Variants in LRBA observed in about 807,000 individuals in gnomAD.
LRBA encodes LPS responsive beige-like anchor protein.
A neutral mutation model predicts 330.0 loss-of-function variants in LRBA; 176 were observed. The ratio of observed to expected loss-of-function variants is 0.53; its 90% CI spans 0.47 to 0.60. The LOEUF is 0.60. Among genes scored for constraint, LRBA ranks in the 20% least tolerant of loss-of-function variants. The pLI, the probability that LRBA is intolerant of heterozygous loss-of-function variation, is 0.00. For missense variants in LRBA, 3,259 were observed against 3,444.8 expected (o/e 0.95, Z 1.35); for synonymous variants, 1,230 against 1,193.0 (o/e 1.03, Z -0.64).
intron 2 of LRBA, among the ~76,000 whole-genome samples, chr4:150,982,537 T>C (rs1740960189): frequency 6.6e-6 from 1 of 151,622 alleles, no homozygotes; most frequent in African/African-American, 2.4e-5. Flanking sequence ...AAACTCCCTG[T>C]AATGCTAGGA....
At chr4:150,564,037 TTAAAGTTCA>T (rs1768782259) in intron 40 of LRBA, among the ~76,000 whole-genome samples, 1 of 152,072 alleles carries the variant, frequency 6.6e-6, no homozygotes, top group South Asian at 2.1e-4. Context: ...AAAAAGTACT[TTAAAGTTCA>T]TATGGAACCA....
chr4:150,892,231 TA>T, intron 17 of LRBA, among the ~76,000 whole-genome samples: 1 of 152,374 alleles, frequency 6.6e-6, no homozygotes, highest in South Asian at 2.1e-4. Context: ...AACTTCCTTA[TA>T]CGTAAAATAG....
chr4:150,457,512 A>T (rs1286827769), intron 44 of LRBA, among the ~76,000 whole-genome samples: 1 of 151,996 alleles, frequency 6.6e-6, no homozygotes, highest in African/African-American at 2.4e-5. Context: ...TATCCACTGT[A>T]AAAAAGCATA....
chr4:150,744,203 A>G (rs976166530), intron 35 of LRBA, among the ~76,000 whole-genome samples: 1 of 152,234 alleles, frequency 6.6e-6, no homozygotes, highest in African/African-American at 2.4e-5. Context: ...AAGAGTACAG[A>G]TGTGAAATAC....
chr4:150,359,659 A>G (rs1738388864), intron 47 of LRBA, among the ~76,000 whole-genome samples: 1 of 152,104 alleles, frequency 6.6e-6, no homozygotes, highest in Non-Finnish European at 1.5e-5. Flanking sequence ...TGAGAATTTT[A>G]GTGGAAGTTT....
chr4:150,973,103 G>C (rs1396328332), intron 2 of LRBA, among the ~76,000 whole-genome samples: 2 of 152,106 alleles, frequency 1.3e-5, no homozygotes, highest in African/African-American at 4.8e-5. Flanking sequence ...CTGGGCAACA[G>C]AATGAGACCC....
chr4:150,581,940 AAGAGAGAGGGAG>A (rs1244571036), intron 40 of LRBA: 1 of 150,798 alleles, frequency 6.6e-6, no homozygotes, highest in Non-Finnish European at 1.5e-5. Flanking sequence ...GAGAGAAAGA[AAGAGAGAGGGAG>A]AGAGAGAGAC....
At chr4:150,582,957 C>T in intron 40 of LRBA, 2 of 1,507,710 alleles carry the variant, frequency 1.3e-6, no homozygotes, top group Non-Finnish European at 8.9e-7. Flanking sequence ...GCTGGGCCAC[C>T]ACCAGTGCGT....
chr4:150,806,684 T>C lies in LRBA; in HGVS notation c.5385-280A>G, dbSNP rs1742844826. On this transcript the variant is annotated intron_variant, in intron 32 of 56. Transcript: ENST00000651943. ...GTCTCACCTGGCCAGTTAAGAGCAG[T>C]TTGTTTTTAGGCCCATTATAATCTA... Among the ~76,000 whole-genome samples the C allele has an allele frequency of 2.6e-5, 4 of 151,998 alleles. No individual in the cohort carries two copies. In the South Asian group the frequency reaches 8.3e-4, roughly 32 times the overall value.
intron 2 of LRBA, among the ~76,000 whole-genome samples, chr4:150,975,743 TA>T (rs1740090091): frequency 6.6e-6 from 1 of 151,736 alleles, no homozygotes; most frequent in South Asian, 2.1e-4. Context: ...AATATAAAAA[TA>T]AATCAATATA....
chr4:150,562,294 C>G (rs1561356422), intron 40 of LRBA, among the ~76,000 whole-genome samples: 1 of 152,166 alleles, frequency 6.6e-6, no homozygotes, highest in Non-Finnish European at 1.5e-5. Flanking sequence ...ATTTCTCCCT[C>G]TATTTGCAAT....
At chr4:150,893,842 A>T (rs1729763204) in intron 16 of LRBA, among the ~76,000 whole-genome samples, 2 of 151,374 alleles carry the variant, frequency 1.3e-5, no homozygotes, top group Admixed American at 6.6e-5. Flanking sequence ...CGCCCGGCTA[A>T]TTTTTTGTAT....
In LRBA at chr4:150,902,841, T is replaced by G. The variant is rs181326817; in HGVS notation, c.1756-2624A>C. On this transcript the variant is annotated intron_variant, in intron 13 of 56. Coordinates refer to ENST00000651943, the MANE Select transcript of LRBA (RefSeq NM_001364905.1). ...ATCTGCAGTGGAAGTGGTGGGATTC[T>G]ATTTTTGCTTGTTTTTAAAAACCTA... is the stretch of plus-strand genomic sequence containing the variant. Among the ~76,000 whole-genome samples the G allele has an allele frequency of 4.3e-3, 652 of 152,330 alleles. 4 individuals are homozygous for G. The highest frequency in any genetic ancestry group is 0.015 in the African/African-American group (631 of 41,572).
chr4:150,925,164 TAA>T (rs10718196), intron 4 of LRBA, among the ~76,000 whole-genome samples: 345 of 143,690 alleles, frequency 2.4e-3, no homozygotes, highest in Admixed American at 2.9e-3. Flanking sequence ...ACCCTGTCTT[TAA>T]AAAAAAAAAA....
intron 40 of LRBA, among the ~76,000 whole-genome samples, chr4:150,569,038 A>G (rs1405518979): frequency 1.3e-5 from 2 of 152,170 alleles, no homozygotes; most frequent in African/African-American, 2.4e-5. Context: ...AATGGTGACA[A>G]TACCTACCTC....
rs111711193 is a variant in LRBA at position 150,445,657 on chromosome 4, G to A, written c.6781-8793C>T. 2.1e-3 allele frequency among the ~76,000 whole-genome samples: 318 copies of A among 151,858 alleles called. 7 individuals carry two copies. Among genetic ancestry groups the A allele is most frequent in the African/African-American group, 7.1e-3 (296 of 41,438 alleles). On this transcript the variant is annotated intron_variant, in intron 44 of 56. Coordinates refer to ENST00000651943, the MANE Select transcript of LRBA (RefSeq NM_001364905.1). ...TGCTTTTTGGAAAAAATATTAAATC[G>A]TTTTAAAAATGTGTTTATTTATTTA...
chr4:150,740,374 C>T (rs927431626), intron 35 of LRBA, among the ~76,000 whole-genome samples: 2 of 151,752 alleles, frequency 1.3e-5, no homozygotes, highest in African/African-American at 2.4e-5. Context: ...AAAAAATACA[C>T]TTTAGAAGAT....
intron 47 of LRBA, among the ~76,000 whole-genome samples, chr4:150,409,630 T>C (rs1442103730): frequency 6.6e-6 from 1 of 152,274 alleles, no homozygotes; most frequent in Middle Eastern, 3.4e-3. Flanking sequence ...AATGGTCCTT[T>C]GCTCTTTAAA....
chr4:150,895,694 T>C (rs945187744), intron 16 of LRBA, among the ~76,000 whole-genome samples: 21 of 152,198 alleles, frequency 1.4e-4, no homozygotes, highest in Admixed American at 9.2e-4. Context: ...TGTTGGACAT[T>C]TGGGTTGGTT....
Sources: gnomAD v4.1 joint callset for allele counts (sites outside exome capture counted in the v4.1 genomes callset) on GRCh38, gnomAD v4.1.1 for gene constraint, MANE v1.5 for transcripts, NCBI Gene and HGNC (gene_info 2026-07-23, HGNC 2026-07-21) for gene names.